The following KCNIP4 variants were observed in gnomAD, a reference collection of about 807,000 sequenced individuals.
KCNIP4 encodes Kv channel-interacting protein 4.
A neutral mutation model predicts 34.0 loss-of-function variants in KCNIP4; 12 were observed. The ratio of observed to expected loss-of-function variants is 0.35; its 90% CI spans 0.23 to 0.57. The LOEUF (loss-of-function observed/expected upper bound fraction) is 0.57. Ranked by LOEUF, KCNIP4 falls within the 20% of genes least tolerant of loss-of-function variation. The pLI, the probability that KCNIP4 is intolerant of heterozygous loss-of-function variation, is 0.83. For synonymous variants in KCNIP4, 124 were observed against 102.2 expected (o/e 1.21, Z -1.29); for missense variants, 238 against 311.7 (o/e 0.76, Z 1.78).
At chr4:21,039,806 T>A (rs1741791223) in intron 1 of KCNIP4, among the ~76,000 whole-genome samples, 3 of 152,336 alleles carry the variant, frequency 2.0e-5, no homozygotes, top group East Asian at 1.9e-4. Flanking sequence ...TTTAATTAAT[T>A]AATAGATGAG....
intron 4 of KCNIP4, among the ~76,000 whole-genome samples, chr4:20,755,339 C>A (rs532505200): frequency 2.0e-5 from 3 of 152,190 alleles, no homozygotes; most frequent in Admixed American, 6.5e-5. Flanking sequence ...CAAAGGAAAT[C>A]TGACTTTTGT....
intron 1 of KCNIP4, among the ~76,000 whole-genome samples, chr4:21,819,503 A>ATT (rs2109285814): frequency 6.6e-6 from 1 of 152,214 alleles, no homozygotes; most frequent in East Asian, 1.9e-4. Flanking sequence ...TGCAGTAGAC[A>ATT]TTAAGTTTGG....
chr4:21,205,804 T>C (rs1756814501), intron 1 of KCNIP4, among the ~76,000 whole-genome samples: 5 of 152,200 alleles, frequency 3.3e-5, no homozygotes, highest in Admixed American at 3.3e-4. Flanking sequence ...TCCCAGTCCA[T>C]GCTCCTAACC....
intron 1 of KCNIP4, among the ~76,000 whole-genome samples, chr4:21,623,367 C>G (rs1468011729): frequency 1.3e-5 from 2 of 152,108 alleles, no homozygotes; most frequent in African/African-American, 2.4e-5. Context: ...CCTATGAGGA[C>G]AGGAAAATGC....
intron 1 of KCNIP4, among the ~76,000 whole-genome samples, chr4:21,510,770 A>G (rs1734247218): frequency 6.6e-6 from 1 of 152,118 alleles, no homozygotes. Context: ...GTAACCCAGC[A>G]CTTTGGGAGG....
At chr4:21,799,120 C>A (rs1235464187) in intron 1 of KCNIP4, among the ~76,000 whole-genome samples, 1 of 151,978 alleles carries the variant, frequency 6.6e-6, no homozygotes, top group Non-Finnish European at 1.5e-5. Flanking sequence ...TAATGATATA[C>A]CATTAATAAT....
intron 1 of KCNIP4, among the ~76,000 whole-genome samples, chr4:21,626,972 A>G (rs985198829): frequency 6.6e-6 from 1 of 152,164 alleles, no homozygotes; most frequent in Non-Finnish European, 1.5e-5. Context: ...ATGGATTTAG[A>G]TATATAAAGT....
chr4:20,987,845 A>G (rs536597749), intron 1 of KCNIP4, among the ~76,000 whole-genome samples: 11 of 151,216 alleles, frequency 7.3e-5, no homozygotes, highest in South Asian at 2.1e-4. Flanking sequence ...TAAAAATCCA[A>G]AAAAAATTAG....
At chr4:21,438,007 A>T (rs1211624291) in intron 1 of KCNIP4, among the ~76,000 whole-genome samples, 1 of 151,912 alleles carries the variant, frequency 6.6e-6, no homozygotes, top group Non-Finnish European at 1.5e-5. Flanking sequence ...TCTGTTTTCC[A>T]GCAATAAGTT....
intron 1 of KCNIP4, among the ~76,000 whole-genome samples, chr4:21,707,932 TAC>T (rs3050896): frequency 0.049 from 7,256 of 146,832 alleles, 354 homozygotes; most frequent in African/African-American, 0.13. Context: ...AACACACACA[TAC>T]ACACACACAC....
At chr4:21,492,893 A>G (rs1417110449) in intron 1 of KCNIP4, among the ~76,000 whole-genome samples, 1 of 152,182 alleles carries the variant, frequency 6.6e-6, no homozygotes, top group East Asian at 1.9e-4. Flanking sequence ...GGCCTATTCC[A>G]GACTTGTAGA....
chr4:20,820,339 T>C (rs1716947744), intron 3 of KCNIP4, among the ~76,000 whole-genome samples: 1 of 152,208 alleles, frequency 6.6e-6, no homozygotes, highest in Non-Finnish European at 1.5e-5. Context: ...TCTTAGTGCT[T>C]AGTCAGAAGC....
intron 1 of KCNIP4, among the ~76,000 whole-genome samples, chr4:21,252,569 C>T (rs1186712084): frequency 1.3e-5 from 2 of 151,956 alleles, no homozygotes; most frequent in Admixed American, 6.6e-5. Flanking sequence ...ACACGAAGAC[C>T]TGATGTAACG....
At chr4:20,765,454 G>A (rs141107453) in intron 3 of KCNIP4, among the ~76,000 whole-genome samples, 19 of 152,282 alleles carry the variant, frequency 1.2e-4, no homozygotes, top group Non-Finnish European at 2.4e-4. Context: ...AAAATTTATT[G>A]TGCATTGTAG....
chr4:21,356,093 A>T (rs1254881150), intron 1 of KCNIP4, among the ~76,000 whole-genome samples: 1 of 152,006 alleles, frequency 6.6e-6, no homozygotes, highest in African/African-American at 2.4e-5. Context: ...TTTGACAAAA[A>T]TCAACAGCCT....
At chr4:21,407,343 T>C (rs926823746) in intron 1 of KCNIP4, among the ~76,000 whole-genome samples, 3 of 152,112 alleles carry the variant, frequency 2.0e-5, no homozygotes, top group African/African-American at 7.2e-5. Flanking sequence ...TCCCTCTATA[T>C]CTTTATTCTT....
At chr4:21,897,279 G>A (rs775111278) in intron 1 of KCNIP4, among the ~76,000 whole-genome samples, 1 of 151,916 alleles carries the variant, frequency 6.6e-6, no homozygotes, top group Non-Finnish European at 1.5e-5. Flanking sequence ...CTATGTTTTA[G>A]TATTTCAGAA....
intron 1 of KCNIP4, among the ~76,000 whole-genome samples, chr4:21,387,806 C>T (rs1479498750): frequency 6.6e-6 from 1 of 152,110 alleles, no homozygotes; most frequent in Non-Finnish European, 1.5e-5. Flanking sequence ...CTATCAAAGG[C>T]ATATCATAAA....
At position 21,584,829 on chromosome 4, in the gene KCNIP4, C is replaced by T. The variant is rs139129414; in HGVS notation, c.61+363742G>A. Among the ~76,000 whole-genome samples, 496 of 152,106 alleles carry T rather than the reference C, an allele frequency of 3.3e-3. 3 individuals are homozygous for T. The highest frequency in any genetic ancestry group is 0.014 in the Middle Eastern group (4 of 294). On this transcript the variant is annotated intron_variant, in intron 1 of 8. Coordinates refer to ENST00000382152, the MANE Select transcript of KCNIP4 (RefSeq NM_025221.6). ...GATAGTGATGAGAGGGAGAAAAGTG[C>T]GAATTTGAAGGAAGATGAAGTAACT...
Sources: gnomAD v4.1 joint callset for allele counts (sites outside exome capture counted in the v4.1 genomes callset) on GRCh38, gnomAD v4.1.1 for gene constraint, MANE v1.5 for transcripts, NCBI Gene and HGNC (gene_info 2026-07-23, HGNC 2026-07-21) for gene names.